The following DKK3 variants were observed in gnomAD, a reference collection of about 807,000 sequenced individuals.
The protein encoded by DKK3 is dickkopf Wnt signaling pathway inhibitor 3.
A neutral mutation model predicts 33.2 loss-of-function variants in DKK3; 22 were observed. The observed-to-expected ratio is 0.66, with a 90% CI of 0.47 to 0.95. The LOEUF (loss-of-function observed/expected upper bound fraction) is 0.95. Ranked by LOEUF, DKK3 falls within the 40% of genes least tolerant of loss-of-function variation. The pLI is 0.00. For missense variants in DKK3, 398 were observed against 458.4 expected, an observed-to-expected ratio of 0.87 and a Z score of 1.20; for synonymous variants, 194 against 188.8, an observed-to-expected ratio of 1.03 and a Z score of -0.23.
chr11:11,995,248 T>G (rs1848267539), intron 3 of DKK3, among the ~76,000 whole-genome samples: 1 of 152,060 alleles, frequency 6.6e-6, no homozygotes, highest in South Asian at 2.1e-4. Context: ...CCCGGCTAAT[T>G]TTTTTTATTT....
At chr11:11,996,784 G>C (rs749529233) in intron 3 of DKK3, among the ~76,000 whole-genome samples, 2 of 152,214 alleles carry the variant, frequency 1.3e-5, no homozygotes, top group Non-Finnish European at 2.9e-5. Context: ...ATATATGGGG[G>C]TTCGGATTCT....
intron 1 of DKK3, among the ~76,000 whole-genome samples, chr11:12,005,413 G>C (rs934392658): frequency 1.3e-5 from 2 of 152,220 alleles, no homozygotes; most frequent in African/African-American, 4.8e-5. Flanking sequence ...CTAGAAATAG[G>C]TGAGGCAGTA....
At position 12,002,346 on chromosome 11, in the gene DKK3, G is replaced by A. The variant is rs372782687; in HGVS notation, c.305C>T (p.Thr102Met). ...PSYHNETNTD[T>M]KVGNNTIHVH... ...ATGGATGGTATTATTTCCAACCTTC[G>A]TGTCTGTGTTGGTCTCATTGTGATA... Residue 102 changes from threonine (T) to methionine (M), a missense_variant, in exon 2 of 7, where the codon ACG (threonine) becomes ATG (methionine). Physicochemically the swap from Thr to Met is moderately conservative, Grantham distance 81. Transcript: ENST00000683431. The A allele has an allele frequency of 4.3e-5, 70 of 1,614,054 alleles. No homozygotes were observed. Among genetic ancestry groups the A allele is most frequent in the African/African-American group, 4.3e-4 (32 of 75,034 alleles).
intron 3 of DKK3, among the ~76,000 whole-genome samples, chr11:11,973,183 T>C (rs1847760961): frequency 1.3e-5 from 2 of 152,244 alleles, no homozygotes; most frequent in Admixed American, 6.5e-5. Context: ...AATTTCTCTC[T>C]AGTCTCCTTG....
chr11:12,004,896 C>T (rs919299557), intron 1 of DKK3, among the ~76,000 whole-genome samples: 1 of 152,246 alleles, frequency 6.6e-6, no homozygotes, highest in East Asian at 1.9e-4. Context: ...ACGTTGATAT[C>T]ATGTGTTTGA....
At chr11:11,988,535 C>G (rs1454183756) in intron 3 of DKK3, among the ~76,000 whole-genome samples, 5 of 152,220 alleles carry the variant, frequency 3.3e-5, no homozygotes. Context: ...GCCCTCGCTA[C>G]CACAGGTGGG....
intron 3 of DKK3, among the ~76,000 whole-genome samples, chr11:11,994,414 A>G (rs1011489118): frequency 9.2e-5 from 14 of 152,044 alleles, no homozygotes; most frequent in African/African-American, 3.4e-4. Context: ...ACCTTCTTCA[A>G]ACTTCTTCAT....
At chr11:11,966,189 C>T (rs897764529) in intron 5 of DKK3, among the ~76,000 whole-genome samples, 2 of 152,164 alleles carry the variant, frequency 1.3e-5, no homozygotes, top group Non-Finnish European at 2.9e-5. Flanking sequence ...AAGAGGTGGG[C>T]TTCTGCTGGA....
At chr11:11,977,808 T>C (rs1412881294) in intron 3 of DKK3, among the ~76,000 whole-genome samples, 1 of 152,184 alleles carries the variant, frequency 6.6e-6, no homozygotes, top group African/African-American at 2.4e-5. Flanking sequence ...CCAGACCCGC[T>C]GCCTCCTCCA....
chr11:11,999,759 T>C (rs994137335), intron 2 of DKK3, among the ~76,000 whole-genome samples: 2 of 152,206 alleles, frequency 1.3e-5, no homozygotes, highest in Non-Finnish European at 1.5e-5. Flanking sequence ...CTGGAACAAA[T>C]AATATATTTT....
intron 3 of DKK3, among the ~76,000 whole-genome samples, chr11:11,997,041 A>G (rs1354870819): frequency 6.6e-6 from 1 of 152,186 alleles, no homozygotes; most frequent in East Asian, 1.9e-4. Flanking sequence ...TCAGAGTCTC[A>G]ATTCCCCTGA....
At position 12,006,330 on chromosome 11, in the gene DKK3, A is replaced by G. The variant is rs1265113357; in HGVS notation, c.213+2040T>C. Among the ~76,000 whole-genome samples, 4 of 152,298 alleles carry G rather than the reference A, an allele frequency of 2.6e-5. No homozygotes were observed. The South Asian group carries it at 6.2e-4, about 24-fold the overall frequency. ...ATATTCAGGGATAGCTGCCCAACTC[A>G]CTGATTTGCTTTACTTGCAGCATCT... On this transcript the variant is annotated intron_variant, in intron 1 of 6. Coordinates refer to ENST00000683431, the MANE Select transcript of DKK3 (RefSeq NM_001018057.2).
In DKK3 at chr11:12,006,197, T is replaced by C. The variant is rs758319944; in HGVS notation, c.213+2173A>G. 3.3e-5 allele frequency among the ~76,000 whole-genome samples: 5 copies of C among 152,126 alleles called. No individual in the cohort carries two copies. The South Asian group carries it at 1.0e-3, about 32-fold the overall frequency. On this transcript the variant is annotated intron_variant, in intron 1 of 6. Coordinates refer to ENST00000683431, the MANE Select transcript of DKK3 (RefSeq NM_001018057.2). ...TGTGAAGCTGCAGAATTAAGAGACA[T>C]TGGGGCCTATATGACTCCCTTCACC...
intron 2 of DKK3, 131 bp from the exon 3 acceptor site, chr11:11,998,910 G>C (rs574589142): frequency 6.7e-6 from 5 of 744,044 alleles, no homozygotes; most frequent in Non-Finnish European, 1.1e-5. Context: ...TGCCCACCCC[G>C]CTTTCTTTCT....
Position 11,998,774 on chromosome 11 carries a change from G to C in DKK3, c.357C>G (p.Thr119=), listed in dbSNP as rs142331330. ...AGACCATTTGTCCAGTCTGGTTGTT[G>C]GTTATCTACAGTAAAACAGGTACAA... is the stretch of plus-strand genomic sequence containing the variant. ...IHVHREIHKI[T]NNQTGQMVFS... is the part of the protein sequence containing the mutation. The change falls in exon 3 of 7, where the codon ACC becomes ACG. Residue 119 remains threonine, a synonymous_variant. Transcript: ENST00000683431. 1.4e-4 allele frequency: 219 copies of C among 1,613,486 alleles called. No homozygotes were observed. In the East Asian group the frequency reaches 4.9e-3, roughly 36 times the overall value.
At chr11:11,987,505 A>G (rs1848095410) in intron 3 of DKK3, among the ~76,000 whole-genome samples, 1 of 152,192 alleles carries the variant, frequency 6.6e-6, no homozygotes, top group African/African-American at 2.4e-5. Context: ...GTCCTTTCCC[A>G]ACTGTCAGTT....
At chr11:11,983,959 A>C (rs1848009954) in intron 3 of DKK3, among the ~76,000 whole-genome samples, 2 of 152,260 alleles carry the variant, frequency 1.3e-5, no homozygotes, top group South Asian at 4.1e-4. Flanking sequence ...CCTCAAGGTT[A>C]AGTCTTATCT....
rs1848178541 is a variant in DKK3 at position 11,991,110 on chromosome 11, G to A, written c.435+7586C>T. Reference sequence around the variant, plus strand: ...CAGACGGATGCTGCACATGCATTGGGTTTACATCACACCTAAGGGATCTCA... The same window carrying A: ...CAGACGGATGCTGCACATGCATTGGATTTACATCACACCTAAGGGATCTCA... On this transcript the variant is annotated intron_variant, in intron 3 of 6. Coordinates refer to ENST00000683431, the MANE Select transcript of DKK3 (RefSeq NM_001018057.2). Among the ~76,000 whole-genome samples the A allele has an allele frequency of 3.9e-5, 6 of 152,182 alleles. No homozygotes were observed. The South Asian group carries it at 1.2e-3, about 32-fold the overall frequency.
At chr11:11,991,918 C>T (rs1848196343) in intron 3 of DKK3, among the ~76,000 whole-genome samples, 1 of 152,188 alleles carries the variant, frequency 6.6e-6, no homozygotes, top group African/African-American at 2.4e-5. Context: ...CACCATGCCC[C>T]CACAATGCCC....
Sources: gnomAD v4.1 joint callset for allele counts (sites outside exome capture counted in the v4.1 genomes callset) on GRCh38, gnomAD v4.1.1 for gene constraint, MANE v1.5 for transcripts, NCBI Gene and HGNC (gene_info 2026-07-23, HGNC 2026-07-21) for gene names.